The following PDE4D variants were observed in gnomAD, a reference collection of about 807,000 sequenced individuals.
PDE4D encodes the protein 3',5'-cyclic-AMP phosphodiesterase 4D.
Under a neutral mutation model 87.4 loss-of-function variants are expected in PDE4D, and 24 were observed. The observed-to-expected ratio is 0.27, with a 90% confidence interval of 0.20 to 0.39. The LOEUF (loss-of-function observed/expected upper bound fraction) is 0.39, where lower values mean the gene tolerates loss of function less well. PDE4D is among the 10% of genes least tolerant of loss of function. The pLI is 1.00. For synonymous variants in PDE4D, 384 were observed against 383.2 expected, an observed-to-expected ratio of 1.00 and a Z score of -0.02; for missense variants, 714 against 1,041.0, an observed-to-expected ratio of 0.69 and a Z score of 4.32.
chr5:59,248,030 C>G (rs1164380166), intron 1 of PDE4D, among the ~76,000 whole-genome samples: 1 of 100,958 alleles, frequency 9.9e-6, no homozygotes, highest in Non-Finnish European at 1.8e-5. Flanking sequence ...TATTGGATAC[C>G]GTATCTATTA....
At chr5:59,469,126 G>C (rs1396578057) in intron 1 of PDE4D, among the ~76,000 whole-genome samples, 1 of 152,110 alleles carries the variant, frequency 6.6e-6, no homozygotes, top group Non-Finnish European at 1.5e-5. Context: ...AGGAGATCGA[G>C]ACCGTCCTGG....
intron 1 of PDE4D, among the ~76,000 whole-genome samples, chr5:59,463,315 C>A (rs1284643485): frequency 1.3e-5 from 2 of 152,124 alleles, no homozygotes; most frequent in Non-Finnish European, 2.9e-5. Context: ...ATTATAGTAA[C>A]CACTGTTTCA....
At chr5:59,516,273 A>G (rs1489655308) in intron 1 of PDE4D, among the ~76,000 whole-genome samples, 3 of 152,142 alleles carry the variant, frequency 2.0e-5, no homozygotes, top group African/African-American at 7.2e-5. Flanking sequence ...TCTCTTGCCT[A>G]TCCCTCCTCC....
intron 1 of PDE4D, among the ~76,000 whole-genome samples, chr5:59,651,225 C>T (rs909473526): frequency 1.3e-5 from 2 of 149,774 alleles, no homozygotes; most frequent in African/African-American, 4.9e-5. Flanking sequence ...CACTGCACTC[C>T]AGCCTGGGCA....
chr5:59,427,348 C>A (rs978463032), intron 1 of PDE4D, among the ~76,000 whole-genome samples: 1 of 149,120 alleles, frequency 6.7e-6, no homozygotes, highest in Non-Finnish European at 1.5e-5. Flanking sequence ...CGCCCCTATG[C>A]CAAAATATGT....
intron 1 of PDE4D, among the ~76,000 whole-genome samples, chr5:59,246,091 C>T (rs560012848): frequency 5.3e-5 from 8 of 151,626 alleles, no homozygotes; most frequent in East Asian, 1.9e-4. Context: ...AACTACACTT[C>T]GAAAATCCTT....
chr5:59,203,025 T>C (rs1747872735), intron 2 of PDE4D, among the ~76,000 whole-genome samples: 1 of 152,150 alleles, frequency 6.6e-6, no homozygotes, highest in African/African-American at 2.4e-5. Flanking sequence ...GATTTTAAAA[T>C]GGGCAAAAAA....
chr5:59,914,436 G>A (rs1329144697), intron 3 of PDE4D, among the ~76,000 whole-genome samples: 1 of 152,114 alleles, frequency 6.6e-6, no homozygotes, highest in East Asian at 1.9e-4. Flanking sequence ...AGACAGGATT[G>A]TCAGGACAAA....
At chr5:60,297,081 A>G (rs989498372) in intron 1 of PDE4D, among the ~76,000 whole-genome samples, 1 of 152,228 alleles carries the variant, frequency 6.6e-6, no homozygotes, top group African/African-American at 2.4e-5. Flanking sequence ...CCCAGAACTT[A>G]AAGTATAATT....
intron 11 of PDE4D, among the ~76,000 whole-genome samples, chr5:58,985,882 G>C (rs1475492613): frequency 1.3e-5 from 2 of 152,230 alleles, no homozygotes; most frequent in African/African-American, 4.8e-5. Flanking sequence ...TGCATGCTGG[G>C]AAGATAATTC....
At chr5:59,210,614 A>T (rs1045828069) in intron 2 of PDE4D, among the ~76,000 whole-genome samples, 1 of 152,194 alleles carries the variant, frequency 6.6e-6, no homozygotes, top group South Asian at 2.1e-4. Flanking sequence ...AGATTCCCAA[A>T]TATGCCCCAG....
intron 2 of PDE4D, among the ~76,000 whole-genome samples, chr5:60,181,435 A>G (rs966007301): frequency 3.3e-5 from 5 of 152,166 alleles, no homozygotes; most frequent in African/African-American, 1.2e-4. Context: ...TTCATTATGA[A>G]AGAATGTGCC....
intron 1 of PDE4D, among the ~76,000 whole-genome samples, chr5:60,447,357 T>C (rs1049642842): frequency 1.3e-5 from 2 of 152,176 alleles, no homozygotes; most frequent in Non-Finnish European, 2.9e-5. Flanking sequence ...CAGCCTATAG[T>C]AGTTAAGCAT....
At position 60,461,823 on chromosome 5, in the gene PDE4D, A is replaced by C. The variant is rs74843130; in HGVS notation, c.-90+26119T>G. Among the ~76,000 whole-genome samples the C allele has an allele frequency of 8.6e-4, 131 of 152,332 alleles. 1 individual carries two copies. The East Asian group carries it at 0.024, about 28-fold the overall frequency. ...ACCTACAAAATAGAGTTGTTACCTT[A>C]AATATATGACATTTAAAGACAAGGG... On this transcript the variant is annotated intron_variant, in intron 1 of 16. Transcript: ENST00000502484.
chr5:59,757,183 CA>C (rs1209133420), intron 1 of PDE4D, among the ~76,000 whole-genome samples: 1 of 152,026 alleles, frequency 6.6e-6, no homozygotes, highest in Non-Finnish European at 1.5e-5. Flanking sequence ...TAGAAAATGA[CA>C]AATAAATGTC....
chr5:59,151,249 G>A (rs1779438683), intron 5 of PDE4D, among the ~76,000 whole-genome samples: 2 of 152,278 alleles, frequency 1.3e-5, no homozygotes, highest in African/African-American at 4.8e-5. Context: ...ATCCCTTCCT[G>A]TAAGCCTCAG....
At chr5:60,011,993 TAACC>T (rs1347338110) in intron 2 of PDE4D, among the ~76,000 whole-genome samples, 2 of 152,144 alleles carry the variant, frequency 1.3e-5, no homozygotes, top group Admixed American at 1.3e-4. Context: ...TGACAGCCAC[TAACC>T]GAGACATCAC....
intron 1 of PDE4D, among the ~76,000 whole-genome samples, chr5:59,641,051 AGCACTTTTTTTATGG>A: frequency 6.6e-6 from 1 of 152,170 alleles, no homozygotes; most frequent in South Asian, 2.1e-4. Context: ...CTGACCTGGA[AGCACTTTTTTTATGG>A]GTTCAGTTTC....
At chr5:59,979,109 C>T (rs984221324) in intron 3 of PDE4D, among the ~76,000 whole-genome samples, 5 of 151,966 alleles carry the variant, frequency 3.3e-5, no homozygotes, top group Admixed American at 6.6e-5. Flanking sequence ...ACAATATCTC[C>T]GAGGTATGTC....
Sources: allele counts gnomAD v4.1 joint callset (sites outside exome capture counted in the v4.1 genomes callset), GRCh38; gene constraint gnomAD v4.1.1; transcripts MANE v1.5; gene names NCBI Gene and HGNC (gene_info 2026-07-23, HGNC 2026-07-21).